Variants in PRKN observed in about 807,000 individuals in gnomAD.
PRKN encodes parkin RBR E3 ubiquitin protein ligase.
Under a neutral mutation model 59.5 loss-of-function variants are expected in PRKN, and 56 were observed. The observed-to-expected ratio is 0.94, with a 90% CI of 0.76 to 1.18. The LOEUF (loss-of-function observed/expected upper bound fraction) is 1.18, where lower values mean the gene tolerates loss of function less well. Ranked by LOEUF, PRKN falls within the 50% of genes most tolerant of loss-of-function variation. The pLI, the probability that PRKN is intolerant of heterozygous loss-of-function variation, is 0.00. For synonymous variants in PRKN, 250 were observed against 222.1 expected, an observed-to-expected ratio of 1.13 and a Z score of -1.12; for missense variants, 657 against 596.4, an observed-to-expected ratio of 1.10 and a Z score of -1.06.
intron 1 of PRKN, among the ~76,000 whole-genome samples, chr6:162,688,179 C>G (rs1777639750): frequency 6.6e-6 from 1 of 152,072 alleles, no homozygotes; most frequent in African/African-American, 2.4e-5. Context: ...AGACATAACA[C>G]TGACTGAAAA....
At chr6:161,455,021 G>C (rs1159140088) in intron 9 of PRKN, among the ~76,000 whole-genome samples, 1 of 149,972 alleles carries the variant, frequency 6.7e-6, no homozygotes. Flanking sequence ...TGGACTGTCA[G>C]TTTGGTTTAA....
intron 1 of PRKN, among the ~76,000 whole-genome samples, chr6:162,560,242 T>C (rs999289089): frequency 1.3e-5 from 2 of 152,200 alleles, no homozygotes; most frequent in Non-Finnish European, 2.9e-5. Context: ...ACCTTAGAAG[T>C]TTCTATTTGA....
At position 161,393,938 on chromosome 6, in the gene PRKN, C is replaced by T. The variant is rs1477089020; in HGVS notation, c.1084-7061G>A. On this transcript the variant is annotated intron_variant, in intron 9 of 11. Transcript: ENST00000366898. This position sits in a 1 kb window ranked among gnomAD's most constrained non-coding sequence, Gnocchi z 4.7. The stretch of plus-strand genomic sequence containing the variant: ...GCAAACATCAAAGGCATGAAGCACA[C>T]ATTTGTACTTCTTTGGGAATAGATG... Among the ~76,000 whole-genome samples the T allele has an allele frequency of 1.7e-4, 26 of 152,308 alleles. No homozygotes were observed. The highest frequency in any genetic ancestry group is 6.0e-4 in the African/African-American group (25 of 41,570).
intron 1 of PRKN, among the ~76,000 whole-genome samples, chr6:162,717,944 C>T (rs191694004): frequency 5.3e-5 from 8 of 152,246 alleles, no homozygotes; most frequent in Admixed American, 2.6e-4. Context: ...AAACATTATA[C>T]GCTTAACGCT....
chr6:161,404,889 A>G (rs943224609), intron 9 of PRKN, among the ~76,000 whole-genome samples: 2 of 152,228 alleles, frequency 1.3e-5, no homozygotes, highest in Non-Finnish European at 2.9e-5. Flanking sequence ...TTCTAAAAAC[A>G]GAATGCGAAG....
intron 2 of PRKN, among the ~76,000 whole-genome samples, chr6:162,387,686 TA>T (rs990915916): frequency 2.6e-5 from 4 of 151,806 alleles, no homozygotes; most frequent in Non-Finnish European, 5.9e-5. Flanking sequence ...TATGAAGACT[TA>T]AAAGTGGAAT....
intron 1 of PRKN, among the ~76,000 whole-genome samples, chr6:162,454,476 T>C (rs1790771567): frequency 6.6e-6 from 1 of 152,198 alleles, no homozygotes; most frequent in African/African-American, 2.4e-5. Flanking sequence ...CATTTACTAT[T>C]CCTATTTTTA....
intron 1 of PRKN, among the ~76,000 whole-genome samples, chr6:162,682,728 T>C (rs572272095): frequency 3.7e-4 from 57 of 152,010 alleles, no homozygotes; most frequent in Admixed American, 9.8e-4. Context: ...CAAACCAACA[T>C]GCAATTTACC....
chr6:161,358,515 T>G (rs1050961398), intron 11 of PRKN, among the ~76,000 whole-genome samples: 3 of 152,062 alleles, frequency 2.0e-5, no homozygotes, highest in Non-Finnish European at 2.9e-5. Context: ...CTTGGGAAGC[T>G]GAGGCAGGAG....
chr6:162,424,748 AAAAAG>A (rs1300887381), intron 2 of PRKN, among the ~76,000 whole-genome samples: 225 of 151,854 alleles, frequency 1.5e-3, no homozygotes, highest in Non-Finnish European at 2.4e-3. Context: ...GAAAAAAAAA[AAAAAG>A]AAAAGAAAAG....
At chr6:162,627,746 G>C (rs545897803) in intron 1 of PRKN, among the ~76,000 whole-genome samples, 36 of 152,276 alleles carry the variant, frequency 2.4e-4, no homozygotes, top group African/African-American at 7.9e-4. Flanking sequence ...TATAACTTAA[G>C]GAACTGTTTG....
chr6:162,472,961 G>A (rs1171618748), intron 1 of PRKN, among the ~76,000 whole-genome samples: 1 of 151,624 alleles, frequency 6.6e-6, no homozygotes. Flanking sequence ...TGGTGACTTG[G>A]CCATGGTTAT....
chr6:162,054,099 TC>T lies in PRKN; in HGVS notation c.609del (p.Thr204LeufsTer21). 1 of 1,600,856 alleles carries T rather than the reference TC, an allele frequency of 6.2e-7. No individual in the cohort carries two copies. The highest frequency in any genetic ancestry group is 8.6e-7 in the Non-Finnish European group (1 of 1,167,822). On this transcript the variant is annotated frameshift_variant, in exon 5 of 12. Transcript: ENST00000366898. LOFTEE classifies it high-confidence loss of function. ...SGECQSPHCP[G>X]TSAEFFFKCG... The stretch of plus-strand genomic sequence containing the variant: ...TGTGACCAGGTACTTACTGCACTAG[TC>T]CCAGGGCAGTGTGGGGATTGGCATT...
intron 1 of PRKN, among the ~76,000 whole-genome samples, chr6:162,624,185 T>C (rs1583930417): frequency 6.6e-6 from 1 of 150,732 alleles, no homozygotes; most frequent in Non-Finnish European, 1.5e-5. Context: ...GAGGCGGAGG[T>C]TGCAGTGAGC....
chr6:161,940,240 C>T (rs1422892399), intron 6 of PRKN, among the ~76,000 whole-genome samples: 2 of 149,638 alleles, frequency 1.3e-5, no homozygotes, highest in Admixed American at 6.7e-5. Flanking sequence ...ATTGAGGTGT[C>T]TAGTATCACA....
At position 161,419,530 on chromosome 6, in the gene PRKN, G is replaced by A. The variant is rs559206190; in HGVS notation, c.1084-32653C>T. On this transcript the variant is annotated intron_variant, in intron 9 of 11. Transcript: ENST00000366898. This position sits in a 1 kb window ranked among gnomAD's most constrained non-coding sequence, Gnocchi z 4.1. ...AGCCTCCTGAGTAGCTGGGATTACA[G>A]GTACACGCCACTGCGCCTGGCTAAT... 1.4e-4 allele frequency among the ~76,000 whole-genome samples: 22 copies of A among 152,118 alleles called. 1 individual carries two copies. In the South Asian group the frequency reaches 4.2e-3, roughly 29 times the overall value.
intron 7 of PRKN, among the ~76,000 whole-genome samples, chr6:161,602,691 A>T (rs1323088922): frequency 1.3e-5 from 2 of 152,198 alleles, no homozygotes; most frequent in African/African-American, 2.4e-5. Context: ...TGAACTTAAA[A>T]ATTTAGCATA....
At chr6:162,284,838 T>C (rs1781108380) in intron 2 of PRKN, among the ~76,000 whole-genome samples, 2 of 152,170 alleles carry the variant, frequency 1.3e-5, no homozygotes, top group East Asian at 1.9e-4. Flanking sequence ...ACAAGTGTTA[T>C]GGGCTAAATT....
rs146598484 is a variant in PRKN, at chr6:161,661,783, G to A, written c.872-92367C>T. Among the ~76,000 whole-genome samples, 660 of 152,282 alleles carry A rather than the reference G, an allele frequency of 4.3e-3. 6 individuals carry two copies. The highest frequency in any genetic ancestry group is 0.015 in the African/African-American group (627 of 41,560). ...CCCACGTGTAATCACAGCACTTTGGGAGGCCGACGTGGGAGGATCACCTGA... is the reference window on the plus strand; with the variant it reads ...CCCACGTGTAATCACAGCACTTTGGAAGGCCGACGTGGGAGGATCACCTGA... On this transcript the variant is annotated intron_variant, in intron 7 of 11. Coordinates refer to ENST00000366898, the MANE Select transcript of PRKN (RefSeq NM_004562.3).
Sources: allele counts gnomAD v4.1 joint callset (sites outside exome capture counted in the v4.1 genomes callset), GRCh38; gene constraint gnomAD v4.1.1; non-coding constraint Gnocchi (gnomAD v3.1); transcripts MANE v1.5; gene names NCBI Gene and HGNC (gene_info 2026-07-23, HGNC 2026-07-21).